The following ALG12 variants were observed in gnomAD, a reference collection of about 807,000 sequenced individuals.
ALG12 encodes dol-P-Man:Man(7)GlcNAc(2)-PP-Dol alpha-1,6-mannosyltransferase.
Under a neutral mutation model 46.0 loss-of-function variants are expected in ALG12, and 36 were observed. That is an observed-to-expected ratio of 0.78 (90% CI 0.60 to 1.03). The LOEUF (loss-of-function observed/expected upper bound fraction) is 1.03. Among genes scored for constraint, ALG12 ranks in the 50% least tolerant of loss-of-function variants. The probability of loss-of-function intolerance (pLI) is 0.00; values close to 1 mark genes in which losing one functional copy is unlikely to be tolerated. For missense variants in ALG12, 599 were observed against 633.5 expected, an observed-to-expected ratio of 0.95 and a Z score of 0.58; for synonymous variants, 326 against 291.6, an observed-to-expected ratio of 1.12 and a Z score of -1.20.
the ALG12 span, chr22:49,890,195 T>A: frequency 6.6e-6 from 1 of 152,194 alleles, no homozygotes; most frequent in African/African-American, 2.4e-5. Context: ...TAGTCCCAGC[T>A]ACTTGGGAGG....
the ALG12 span, chr22:49,886,716 G>A: frequency 4.1e-5 from 66 of 1,613,180 alleles, no homozygotes; most frequent in Admixed American, 1.8e-4. The surrounding 1 kb of genome is among the most constrained non-coding windows in gnomAD (Gnocchi z 7.7). Flanking sequence ...CCCTGTTTAC[G>A]GAGGAGGAGG....
chr22:49,900,087 C>A (rs1275030748), downstream of ALG12: 1 of 152,146 alleles, frequency 6.6e-6, no homozygotes, highest in Non-Finnish European at 1.5e-5. Flanking sequence ...AGGCTTAAGC[C>A]CAGGAGATGG....
chr22:49,862,297 G>A, the ALG12 span, among the ~76,000 whole-genome samples: 43 of 152,336 alleles, frequency 2.8e-4, no homozygotes, highest in Non-Finnish European at 2.6e-4. Flanking sequence ...TTTGTGCGGC[G>A]GAGGCCTTAC....
Position 49,903,853 on chromosome 22 carries a change from G to A in ALG12, c.1452C>T (p.Leu484=), listed in dbSNP as rs772352960. ...LQTKLVLLER[L]PRPS ...CTGGTCCCCCTCAGGACGGCCGGGG[G>A]AGCCTCTCCAGAAGCACCAGCTTTG... Residue 484 remains leucine (L), a synonymous_variant, in exon 10 of 10, where the codon CTC becomes CTT. Transcript: ENST00000330817. The A allele has an allele frequency of 4.3e-6, 7 of 1,614,240 alleles. No homozygotes were observed. The highest frequency in any genetic ancestry group is 3.3e-4 in the Middle Eastern group (2 of 6,062).
the ALG12 span, among the ~76,000 whole-genome samples, chr22:49,892,429 T>C: frequency 2.0e-5 from 3 of 152,238 alleles, no homozygotes; most frequent in Non-Finnish European, 2.9e-5. Flanking sequence ...AGCTGTCATG[T>C]TGGCCAGGAT....
the ALG12 span, chr22:49,884,924 G>A: frequency 4.4e-6 from 7 of 1,605,510 alleles, no homozygotes; most frequent in African/African-American, 9.4e-5. Context: ...GATGACATAG[G>A]GGAGGCCTCG....
rs1037744199 is a variant in ALG12, at chr22:49,905,853, C to T, written c.993-1347G>A. 1.3e-5 allele frequency among the ~76,000 whole-genome samples: 2 copies of T among 152,218 alleles called. No homozygotes were observed. Among genetic ancestry groups the T allele is most frequent in the Non-Finnish European group, 2.9e-5 (2 of 68,036 alleles). ...GAGGCCCCACCTAGGATGACCGCAG[C>T]CTCCTAAGTGCCTGCCCCAAAGAGC... On this transcript the variant is annotated intron_variant, in intron 7 of 9. Coordinates refer to ENST00000330817, the MANE Select transcript of ALG12 (RefSeq NM_024105.4). The surrounding 1 kb of genome is among the most constrained non-coding windows in gnomAD (Gnocchi z 4.9).
chr22:49,876,501 C>T, the ALG12 span, among the ~76,000 whole-genome samples: 24 of 152,124 alleles, frequency 1.6e-4, 2 homozygotes, highest in South Asian at 1.7e-3. Context: ...GAATTGACCC[C>T]CTTATAATTT....
chr22:49,910,126 G>T, intron 4 of ALG12, 38 bp from the exon 5 acceptor site: 1 of 1,560,408 alleles, frequency 6.4e-7, no homozygotes, highest in Non-Finnish European at 8.7e-7. Flanking sequence ...TCAAGACACA[G>T]GGCCCACCCG....
rs1033160204 is a variant in ALG12, at chr22:49,910,841, G to A, written c.296-234C>T. Among the ~76,000 whole-genome samples the A allele has an allele frequency of 3.9e-5, 6 of 152,254 alleles. No individual in the cohort carries two copies. In the East Asian group the frequency reaches 1.2e-3, roughly 29 times the overall value. ...TCGGGAACTGAGGACCCTTGCGGGG[G>A]CTGCTCTCTGAAGCATGAGGGAGGA... On this transcript the variant is annotated intron_variant, in intron 3 of 9. Coordinates refer to ENST00000330817, the MANE Select transcript of ALG12 (RefSeq NM_024105.4).
chr22:49,886,198 G>A, the ALG12 span: 1 of 762,570 alleles, frequency 1.3e-6, no homozygotes. This position sits in a 1 kb window ranked among gnomAD's most constrained non-coding sequence, Gnocchi z 7.7. Context: ...CCAGCGGATG[G>A]TGCAGAACCT....
chr22:49,893,744 A>G, the ALG12 span, among the ~76,000 whole-genome samples: 1 of 152,220 alleles, frequency 6.6e-6, no homozygotes, highest in Non-Finnish European at 1.5e-5. Context: ...TAAATAATAG[A>G]CTGCCTAAAA....
the ALG12 span, among the ~76,000 whole-genome samples, chr22:49,878,992 A>G: frequency 6.6e-6 from 1 of 151,482 alleles, no homozygotes. Flanking sequence ...AAAATACAAA[A>G]AAATTAGCCG....
In ALG12 at chr22:49,910,525, C is replaced by T. The variant is rs1004762151; in HGVS notation, c.378G>A (p.Val126=). The change falls in exon 4 of 10, where the codon GTG becomes GTA. Residue 126 remains valine, a synonymous_variant. Transcript: ENST00000330817. ...CCGTCACCCAGCAGAACATGGTGGC[C>T]ACCATGGCCCCGAAGTGCCGTCTCA... ...KEVRRHFGAM[V]ATMFCWVTAM... 4 of 1,614,100 alleles carry T rather than the reference C, an allele frequency of 2.5e-6. No individual in the cohort carries two copies. Among genetic ancestry groups the T allele is most frequent in the East Asian group, 2.2e-5 (1 of 44,882 alleles).
the ALG12 span, among the ~76,000 whole-genome samples, chr22:49,892,582 C>G: frequency 2.6e-5 from 4 of 152,216 alleles, no homozygotes; most frequent in African/African-American, 9.7e-5. Flanking sequence ...GCTGAGACAT[C>G]TTTGGGCAAG....
the ALG12 span, among the ~76,000 whole-genome samples, chr22:49,859,951 C>T: frequency 3.8e-3 from 537 of 140,606 alleles, 1 homozygote; most frequent in East Asian, 6.9e-3. Flanking sequence ...CACTTGAGCT[C>T]AGGAGTTCCA....
intron 1 of ALG12, among the ~76,000 whole-genome samples, chr22:49,916,699 C>T (rs771790607): frequency 1.3e-5 from 2 of 152,202 alleles, no homozygotes; most frequent in Non-Finnish European, 2.9e-5. Flanking sequence ...AAAAATAATC[C>T]CAGCTACTCA....
At position 49,904,220 on chromosome 22, in the gene ALG12, C is replaced by T; in HGVS notation, c.1197G>A (p.Gln399=). ...VLLHIDVAAA[Q]TGVSRFLQVN... ...CTTGGAGAAACCGAGACACACCTGT[C>T]TGGGCGGCTGCCACGTCAATGTGCA... The change falls in exon 9 of 10, where the codon CAG becomes CAA. Residue 399 remains glutamine, a synonymous_variant. Transcript: ENST00000330817. 1.2e-6 allele frequency: 2 copies of T among 1,614,124 alleles called. No individual in the cohort carries two copies. The highest frequency in any genetic ancestry group is 1.3e-5 in the African/African-American group (1 of 75,060).
At chr22:49,875,091 AT>A in the ALG12 span, among the ~76,000 whole-genome samples, 1 of 151,648 alleles carries the variant, frequency 6.6e-6, no homozygotes, top group South Asian at 2.1e-4. Context: ...TTTGTTAAGG[AT>A]TTTTTTTCTG....
Sources: allele counts gnomAD v4.1 joint callset (sites outside exome capture counted in the v4.1 genomes callset), GRCh38; gene constraint gnomAD v4.1.1; non-coding constraint Gnocchi (gnomAD v3.1); transcripts MANE v1.5; gene names NCBI Gene and HGNC (gene_info 2026-07-23, HGNC 2026-07-21).